Variants in HIVEP3 observed in about 807,000 individuals in gnomAD.
HIVEP3 encodes HIVEP zinc finger 3, also known as transcription factor HIVEP3.
A neutral mutation model predicts 152.8 loss-of-function variants in HIVEP3; 49 were observed. The observed-to-expected ratio is 0.32, with a 90% CI of 0.26 to 0.41. The LOEUF (loss-of-function observed/expected upper bound fraction) is 0.41. HIVEP3 is among the 10% of genes least tolerant of loss of function. The probability of loss-of-function intolerance (pLI) is 1.00; values close to 1 mark genes in which losing one functional copy is unlikely to be tolerated. For missense variants in HIVEP3, 2,790 were observed against 3,103.3 expected (o/e 0.90, Z 2.40); for synonymous variants, 1,269 against 1,289.0 (o/e 0.98, Z 0.33).
chr1:41,997,007 C>T (rs1415044581), intron 1 of HIVEP3, among the ~76,000 whole-genome samples: 1 of 152,208 alleles, frequency 6.6e-6, no homozygotes, highest in African/African-American at 2.4e-5. Context: ...CCCAGATAAT[C>T]CAGGATAATC....
intron 5 of HIVEP3, among the ~76,000 whole-genome samples, chr1:41,553,649 T>C: frequency 6.6e-6 from 1 of 152,248 alleles, no homozygotes; most frequent in Non-Finnish European, 1.5e-5. Flanking sequence ...GGTTGTTCCT[T>C]TCCATGTTTA....
chr1:42,014,653 T>C (rs1265853940), intron 1 of HIVEP3, among the ~76,000 whole-genome samples: 6 of 152,170 alleles, frequency 3.9e-5, no homozygotes, highest in African/African-American at 1.4e-4. Context: ...TCTGCTCAGG[T>C]GAACTTTCTA....
chr1:41,738,297 C>T (rs1646948313), intron 1 of HIVEP3, among the ~76,000 whole-genome samples: 1 of 152,180 alleles, frequency 6.6e-6, no homozygotes, highest in African/African-American at 2.4e-5. Context: ...GTCGCTGAAC[C>T]AGTCCTCAGA....
chr1:41,906,137 G>A (rs1007287113), intron 1 of HIVEP3, among the ~76,000 whole-genome samples: 28 of 152,060 alleles, frequency 1.8e-4, no homozygotes, highest in African/African-American at 5.8e-4. Flanking sequence ...GTGAAACCCC[G>A]TCTCTACTAA....
chr1:42,032,053 G>A (rs1645616063), intron 1 of HIVEP3, among the ~76,000 whole-genome samples: 1 of 152,134 alleles, frequency 6.6e-6, no homozygotes, highest in South Asian at 2.1e-4. Context: ...GACATGCACT[G>A]GCTCTCCAGC....
rs558356528 is a variant in HIVEP3, at chr1:41,567,097, A to T, written c.5207+8447T>A. The stretch of plus-strand genomic sequence containing the variant: ...AAAGTCACATGTCCAACAAGTTTTG[A>T]TCTCCCTGTCCCCAGACCTATTTTT... On this transcript the variant is annotated intron_variant, in intron 5 of 8. Coordinates refer to ENST00000372583, the MANE Select transcript of HIVEP3 (RefSeq NM_024503.5). Among the ~76,000 whole-genome samples the T allele has an allele frequency of 3.3e-5, 5 of 151,948 alleles. No homozygotes were observed. In the East Asian group the frequency reaches 9.7e-4, roughly 29 times the overall value.
intron 3 of HIVEP3, among the ~76,000 whole-genome samples, chr1:41,613,728 G>T (rs1644929224): frequency 6.6e-6 from 1 of 152,106 alleles, no homozygotes. Context: ...AATTCACAGG[G>T]TTGTGCAACC....
intron 5 of HIVEP3, among the ~76,000 whole-genome samples, chr1:41,557,634 G>A (rs1309683289): frequency 3.3e-5 from 5 of 152,024 alleles, no homozygotes; most frequent in Admixed American, 2.6e-4. Flanking sequence ...TGATGGGCAG[G>A]GAACCCAACC....
At chr1:41,826,331 A>G (rs977455950) in intron 1 of HIVEP3, among the ~76,000 whole-genome samples, 9 of 152,344 alleles carry the variant, frequency 5.9e-5, no homozygotes, top group Admixed American at 5.9e-4. Flanking sequence ...CCTAAACAGC[A>G]TGCTTGATTT....
intron 1 of HIVEP3, among the ~76,000 whole-genome samples, chr1:41,965,301 A>C (rs1350790229): frequency 6.6e-6 from 1 of 152,214 alleles, no homozygotes; most frequent in Non-Finnish European, 1.5e-5. Context: ...GATGAGAAAG[A>C]AGCAAAACAA....
At chr1:41,550,274 C>T (rs1351956957) in intron 5 of HIVEP3, among the ~76,000 whole-genome samples, 1 of 152,094 alleles carries the variant, frequency 6.6e-6, no homozygotes, top group African/African-American at 2.4e-5. Context: ...TTTTGGTTAC[C>T]GTAGCCTTGT....
intron 5 of HIVEP3, among the ~76,000 whole-genome samples, chr1:41,574,448 C>A (rs1644297372): frequency 6.6e-6 from 1 of 152,170 alleles, no homozygotes; most frequent in South Asian, 2.1e-4. Context: ...TCATTGACTA[C>A]CCTGCTGCCC....
At chr1:41,527,574 CCA>C (rs1164071667) in intron 5 of HIVEP3, among the ~76,000 whole-genome samples, 1 of 140,982 alleles carries the variant, frequency 7.1e-6, no homozygotes, top group African/African-American at 2.7e-5. Context: ...CTTTCACACT[CCA>C]CACTCAAGCA....
intron 1 of HIVEP3, among the ~76,000 whole-genome samples, chr1:41,785,928 AG>A (rs1339167205): frequency 6.6e-6 from 1 of 152,192 alleles, no homozygotes; most frequent in Non-Finnish European, 1.5e-5. Flanking sequence ...CCCGGGAGGC[AG>A]GGAGGTTGCA....
intron 2 of HIVEP3, among the ~76,000 whole-genome samples, chr1:41,693,306 A>C (rs939128909): frequency 3.9e-5 from 6 of 152,222 alleles, no homozygotes; most frequent in African/African-American, 1.4e-4. Flanking sequence ...CCCACTAAAC[A>C]GTGCTCCAGT....
intron 1 of HIVEP3, among the ~76,000 whole-genome samples, chr1:41,949,368 A>G (rs1361169619): frequency 1.3e-5 from 2 of 152,252 alleles, no homozygotes; most frequent in African/African-American, 4.8e-5. Context: ...CAAGAACTAA[A>G]TGGTGACATG....
chr1:41,513,720 T>C lies in HIVEP3; in HGVS notation c.5501A>G (p.Glu1834Gly), dbSNP rs752084343. The C allele has an allele frequency of 6.3e-7, 1 of 1,589,228 alleles. No individual in the cohort carries two copies. The highest frequency in any genetic ancestry group is 8.6e-7 in the Non-Finnish European group (1 of 1,168,650). Reference sequence around the variant, plus strand: ...CACAGCCTCTGAACCCTCTCGTCCTTCCGAGTCCTGGAACAGGTCGTCACT... The same window carrying C: ...CACAGCCTCTGAACCCTCTCGTCCTCCCGAGTCCTGGAACAGGTCGTCACT... The part of the protein sequence containing the change: ...GTSDDLFQDS[E>G]GREGSEAVEE... The change falls in exon 8 of 9, where the codon GAA becomes GGA. Residue 1834 changes from glutamate (E) to glycine (G), a missense_variant. Physicochemically the swap from Glu to Gly is moderately conservative, Grantham distance 98 (BLOSUM62 -2). Around this residue, in one of 9 missense-constraint regions of HIVEP3, gnomAD observed 816 missense variants for 806.5 expected, o/e 1.01. Coordinates refer to ENST00000372583, the MANE Select transcript of HIVEP3 (RefSeq NM_024503.5).
rs1008700082 is a variant in HIVEP3 at position 41,873,544 on chromosome 1, G to C, written c.-801+44869C>G. Reference sequence around the variant, plus strand: ...TGATCTACATTATTTCAGAGGTAATGATACTTTTACATGAGATAACTTCCC... The same window carrying C: ...TGATCTACATTATTTCAGAGGTAATCATACTTTTACATGAGATAACTTCCC... On this transcript the variant is annotated intron_variant, in intron 1 of 8. Transcript: ENST00000372583. This position sits in a 1 kb window ranked among gnomAD's most constrained non-coding sequence, Gnocchi z 4.2. 3.3e-5 allele frequency among the ~76,000 whole-genome samples: 5 copies of C among 152,200 alleles called. No individual in the cohort carries two copies. Among genetic ancestry groups the C allele is most frequent in the African/African-American group, 1.2e-4 (5 of 41,442 alleles).
intron 1 of HIVEP3, among the ~76,000 whole-genome samples, chr1:41,777,068 A>T (rs1648749096): frequency 6.6e-6 from 1 of 152,206 alleles, no homozygotes; most frequent in East Asian, 1.9e-4. Flanking sequence ...CCGAGTCAAC[A>T]GGAGGGCCGT....
Sources: allele counts gnomAD v4.1 joint callset (sites outside exome capture counted in the v4.1 genomes callset), GRCh38; gene constraint gnomAD v4.1.1; regional missense constraint gnomAD v4.1.1; non-coding constraint Gnocchi (gnomAD v3.1); transcripts MANE v1.5; gene names NCBI Gene and HGNC (gene_info 2026-07-23, HGNC 2026-07-21).